Variants in JARID2 observed in about 807,000 individuals in gnomAD.
JARID2 encodes jumonji and AT-rich interaction domain containing 2, also known as protein Jumonji.
JARID2 carries 21 observed loss-of-function variants against 125.6 expected under a neutral mutation model. The ratio of observed to expected loss-of-function variants is 0.17; its 90% CI spans 0.12 to 0.24. The LOEUF (loss-of-function observed/expected upper bound fraction) is 0.24. Ranked by LOEUF, JARID2 falls within the 10% of genes least tolerant of loss-of-function variation. The pLI is 1.00. For missense variants in JARID2, 1,303 were observed against 1,639.6 expected (o/e 0.79, Z 3.55); for synonymous variants, 736 against 661.6 (o/e 1.11, Z -1.73).
chr6:15,484,237 C>T (rs1769758952), intron 5 of JARID2, among the ~76,000 whole-genome samples: 1 of 152,116 alleles, frequency 6.6e-6, no homozygotes, highest in East Asian at 1.9e-4. Context: ...TTAGCTACTC[C>T]TCTTTTTCCC....
At chr6:15,429,660 G>T (rs1766887075) in intron 3 of JARID2, among the ~76,000 whole-genome samples, 1 of 152,002 alleles carries the variant, frequency 6.6e-6, no homozygotes. Flanking sequence ...TATCATCTTG[G>T]AGGGGGTGTA....
intron 1 of JARID2, among the ~76,000 whole-genome samples, chr6:15,292,350 T>G (rs1381063322): frequency 1.3e-5 from 2 of 152,128 alleles, no homozygotes; most frequent in African/African-American, 4.8e-5. Context: ...CTGTGTCCTT[T>G]TTTTCCATAA....
intron 3 of JARID2, among the ~76,000 whole-genome samples, chr6:15,427,928 A>T (rs1766800843): frequency 6.6e-6 from 1 of 151,338 alleles, no homozygotes; most frequent in African/African-American, 2.4e-5. Context: ...TTAATACCTC[A>T]CTTGACTGCC....
At position 15,378,129 on chromosome 6, in the gene JARID2, C is replaced by T. The variant is rs62395382; in HGVS notation, c.181+3877C>T. On this transcript the variant is annotated intron_variant, in intron 2 of 17. Transcript: ENST00000341776. The stretch of plus-strand genomic sequence containing the variant: ...GTCTCCATCCCTTGACCTTGTGATC[C>T]GCCCACCTCAGCCTCCCAAAGTGCT... Among the ~76,000 whole-genome samples, 954 of 150,590 alleles carry T rather than the reference C, an allele frequency of 6.3e-3. 4 individuals carry two copies. The highest frequency in any genetic ancestry group is 9.7e-3 in the Non-Finnish European group (657 of 67,608).
chr6:15,362,380 GA>G (rs1000973008), intron 1 of JARID2, among the ~76,000 whole-genome samples: 2 of 152,164 alleles, frequency 1.3e-5, no homozygotes, highest in African/African-American at 4.8e-5. Flanking sequence ...ACATTGGTAT[GA>G]AAAAGAATTG....
chr6:15,478,917 G>C (rs982966383), intron 5 of JARID2, among the ~76,000 whole-genome samples: 1 of 152,076 alleles, frequency 6.6e-6, no homozygotes, highest in Admixed American at 6.5e-5. Flanking sequence ...CGCCTGCCTC[G>C]GCTTCCCAAA....
In JARID2 at chr6:15,291,215, A is replaced by G. The variant is rs528936657; in HGVS notation, c.45+44631A>G. 2.6e-5 allele frequency among the ~76,000 whole-genome samples: 4 copies of G among 152,274 alleles called. No homozygotes were observed. In the East Asian group the frequency reaches 7.7e-4, roughly 29 times the overall value. ...GCACCATTTCATTCCAGCCTGGGTA[A>G]TAGAGCGAGACCCTGTCTCAAAAAA... On this transcript the variant is annotated intron_variant, in intron 1 of 17. Transcript: ENST00000341776.
At chr6:15,439,364 T>C (rs1342703651) in intron 3 of JARID2, among the ~76,000 whole-genome samples, 1 of 152,188 alleles carries the variant, frequency 6.6e-6, no homozygotes, top group South Asian at 2.1e-4. Context: ...TGCAATTTAT[T>C]CTCCCGTTTC....
chr6:15,384,880 A>G (rs1764726508), intron 2 of JARID2, among the ~76,000 whole-genome samples: 2 of 152,038 alleles, frequency 1.3e-5, no homozygotes, highest in South Asian at 4.1e-4. Context: ...TCCTTAGTGA[A>G]CCTGTTTGAA....
intron 1 of JARID2, among the ~76,000 whole-genome samples, chr6:15,347,144 A>C (rs1288012138): frequency 6.6e-6 from 1 of 152,246 alleles, no homozygotes; most frequent in Non-Finnish European, 1.5e-5. Flanking sequence ...ACACATGTGA[A>C]GTAACTAAAT....
At chr6:15,267,004 C>G (rs1321215595) in intron 1 of JARID2, among the ~76,000 whole-genome samples, 1 of 152,226 alleles carries the variant, frequency 6.6e-6, no homozygotes, top group African/African-American at 2.4e-5. Flanking sequence ...ATAGGCACAA[C>G]TGTGCCCCTT....
chr6:15,438,998 C>A (rs1420074016), intron 3 of JARID2, among the ~76,000 whole-genome samples: 1 of 150,412 alleles, frequency 6.6e-6, no homozygotes, highest in Non-Finnish European at 1.5e-5. Context: ...CGCCACTGCA[C>A]TCCAGCCTGG....
chr6:15,412,318 GGTT>G (rs1036679377), intron 3 of JARID2, among the ~76,000 whole-genome samples: 2 of 151,922 alleles, frequency 1.3e-5, no homozygotes, highest in Admixed American at 6.6e-5. Context: ...TTTTTGGGGG[GGTT>G]GAGGGAGACA....
At chr6:15,317,140 A>C (rs1762205325) in intron 1 of JARID2, among the ~76,000 whole-genome samples, 1 of 152,170 alleles carries the variant, frequency 6.6e-6, no homozygotes, top group Non-Finnish European at 1.5e-5. Context: ...GATTTTATCT[A>C]TTTAGCAGTA....
chr6:15,250,029 A>G lies in JARID2; in HGVS notation c.45+3445A>G, dbSNP rs144824472. Among the ~76,000 whole-genome samples the G allele has an allele frequency of 8.5e-4, 130 of 152,322 alleles. 1 individual carries two copies. In the East Asian group the frequency reaches 0.014, roughly 17 times the overall value. ...GATAGGATACTGGGGCTTCACCACT[A>G]TTTGATCAGGTATCAGTTTGAAATA... On this transcript the variant is annotated intron_variant, in intron 1 of 17. Transcript: ENST00000341776.
chr6:15,391,711 T>C (rs1291364008), intron 2 of JARID2, among the ~76,000 whole-genome samples: 2 of 152,190 alleles, frequency 1.3e-5, no homozygotes, highest in Non-Finnish European at 2.9e-5. Context: ...GGCACTGACA[T>C]TGGATCGTAA....
At chr6:15,484,959 A>G (rs1193259958) in intron 5 of JARID2, among the ~76,000 whole-genome samples, 5 of 152,172 alleles carry the variant, frequency 3.3e-5, no homozygotes, top group Non-Finnish European at 7.3e-5. Flanking sequence ...CCTTGGCTTG[A>G]TTTTTAATCA....
chr6:15,377,806 A>G (rs1453242468), intron 2 of JARID2, among the ~76,000 whole-genome samples: 4 of 150,884 alleles, frequency 2.7e-5, no homozygotes, highest in Non-Finnish European at 5.9e-5. Flanking sequence ...TGCTGGGATT[A>G]TGGGTGTGAG....
At chr6:15,469,557 T>C (rs560130285) in intron 5 of JARID2, among the ~76,000 whole-genome samples, 23 of 150,788 alleles carry the variant, frequency 1.5e-4, no homozygotes, top group African/African-American at 4.9e-4. Context: ...CTCATCCTCC[T>C]GAGTAGCTGG....
Sources: allele counts gnomAD v4.1 joint callset (sites outside exome capture counted in the v4.1 genomes callset), GRCh38; gene constraint gnomAD v4.1.1; transcripts MANE v1.5; gene names NCBI Gene and HGNC (gene_info 2026-07-23, HGNC 2026-07-21).